GPAT3: variants seen among roughly 807,000 people sequenced by gnomAD.
GPAT3 encodes glycerol-3-phosphate acyltransferase 3.
GPAT3 carries 53 observed loss-of-function variants against 58.8 expected under a neutral mutation model. The observed-to-expected ratio is 0.90, with a 90% CI of 0.72 to 1.13. The LOEUF (loss-of-function observed/expected upper bound fraction) is 1.13. Among genes scored for constraint, GPAT3 ranks in the 50% most tolerant of loss-of-function variants. The pLI is 0.00. For synonymous variants in GPAT3, 197 were observed against 187.4 expected (o/e 1.05, Z -0.42); for missense variants, 511 against 527.6 (o/e 0.97, Z 0.31).
chr4:83,537,111 G>T (rs1158041491), intron 1 of GPAT3, among the ~76,000 whole-genome samples: 1 of 152,170 alleles, frequency 6.6e-6, no homozygotes, highest in Non-Finnish European at 1.5e-5. Flanking sequence ...ATTATGCAGT[G>T]CAGTTTCCGC....
At chr4:83,592,171 C>T (rs1282258539) in intron 6 of GPAT3, among the ~76,000 whole-genome samples, 4 of 152,176 alleles carry the variant, frequency 2.6e-5, no homozygotes, top group African/African-American at 9.6e-5. Context: ...TGAGTATAAC[C>T]CATTTGTAAC....
At chr4:83,599,400 A>G (rs1176219111) in intron 11 of GPAT3, among the ~76,000 whole-genome samples, 2 of 152,178 alleles carry the variant, frequency 1.3e-5, no homozygotes, top group Non-Finnish European at 2.9e-5. Flanking sequence ...TGAGAGTTGT[A>G]TATCCCACTT....
intron 2 of GPAT3, 127 bp downstream of exon 2, chr4:83,544,729 T>C: frequency 1.1e-6 from 1 of 922,898 alleles, no homozygotes; most frequent in Non-Finnish European, 1.7e-6. Context: ...CATAATTCTG[T>C]CAGTGTAAAA....
intron 6 of GPAT3, among the ~76,000 whole-genome samples, chr4:83,590,499 T>TA (rs1726555329): frequency 6.6e-6 from 1 of 152,212 alleles, no homozygotes; most frequent in Non-Finnish European, 1.5e-5. Flanking sequence ...TTTAAGATGG[T>TA]AAAAAATTAA....
At chr4:83,537,640 G>C (rs1724155472) in intron 1 of GPAT3, among the ~76,000 whole-genome samples, 1 of 149,048 alleles carries the variant, frequency 6.7e-6, no homozygotes, top group South Asian at 2.1e-4. Context: ...TTTAACATAA[G>C]AGACAGGGTC....
At chr4:83,553,765 G>T (rs1243466188) in intron 2 of GPAT3, among the ~76,000 whole-genome samples, 1 of 151,800 alleles carries the variant, frequency 6.6e-6, no homozygotes, top group Non-Finnish European at 1.5e-5. Context: ...CAGACATGGC[G>T]ACTCAGGAGT....
intron 2 of GPAT3, among the ~76,000 whole-genome samples, chr4:83,570,993 G>A (rs1214105223): frequency 7.2e-5 from 11 of 152,022 alleles, no homozygotes; most frequent in African/African-American, 1.4e-4. Context: ...AGTCCCAGTG[G>A]TACTCTCTCT....
At chr4:83,580,978 C>T (rs932927156) in intron 2 of GPAT3, among the ~76,000 whole-genome samples, 1 of 151,580 alleles carries the variant, frequency 6.6e-6, no homozygotes, top group Non-Finnish European at 1.5e-5. Flanking sequence ...TGCCTGTAGT[C>T]CCAGCTGCTT....
rs1210798139 is a variant in GPAT3, at chr4:83,557,386, A to G, written c.208+12784A>G. Among the ~76,000 whole-genome samples, 3 of 152,224 alleles carry G rather than the reference A, an allele frequency of 2.0e-5. No individual in the cohort carries two copies. The East Asian group carries it at 5.8e-4, about 29-fold the overall frequency. On this transcript the variant is annotated intron_variant, in intron 2 of 11. Transcript: ENST00000264409. The stretch of plus-strand genomic sequence containing the variant: ...TGTTCCCTTGCCATCATCCTGGCAG[A>G]CATCACTAGTTGATGAAGTTTGACT...
chr4:83,595,803 C>T (rs1726802994), intron 7 of GPAT3, among the ~76,000 whole-genome samples: 1 of 152,088 alleles, frequency 6.6e-6, no homozygotes, highest in Non-Finnish European at 1.5e-5. Flanking sequence ...CAGAAACCTT[C>T]GTTAGGAAAC....
intron 1 of GPAT3, among the ~76,000 whole-genome samples, chr4:83,537,457 G>A (rs1244227897): frequency 6.6e-6 from 1 of 152,122 alleles, no homozygotes; most frequent in African/African-American, 2.4e-5. Context: ...AAAAGGCTGG[G>A]TAGGGTAGGG....
Position 83,597,443 on chromosome 4 carries a change from C to T in GPAT3, c.924C>T (p.Asn308=). ...ILIFPEGTCI[N]NTSVMMFKKG... ...ACCCCCTTGCAGGAACTTGCATCAACAATACTTCAGTCATGATGTTTAAAA... is the reference window on the plus strand; with the variant it reads ...ACCCCCTTGCAGGAACTTGCATCAATAATACTTCAGTCATGATGTTTAAAA... The change falls in exon 9 of 12, where the codon AAC becomes AAT. Residue 308 remains asparagine, a synonymous_variant. Transcript: ENST00000264409. The T allele has an allele frequency of 1.9e-6, 3 of 1,556,344 alleles. No individual in the cohort carries two copies. The highest frequency in any genetic ancestry group is 1.7e-6 in the Non-Finnish European group (2 of 1,150,554).
At chr4:83,566,298 C>G (rs1725379461) in intron 2 of GPAT3, among the ~76,000 whole-genome samples, 1 of 152,090 alleles carries the variant, frequency 6.6e-6, no homozygotes, top group African/African-American at 2.4e-5. Flanking sequence ...CTGGGCCTCC[C>G]AAAGTACTGG....
chr4:83,536,914 C>A, intron 1 of GPAT3, 151 bp downstream of exon 1: 1 of 722,358 alleles, frequency 1.4e-6, no homozygotes, highest in Non-Finnish European at 2.2e-6. Context: ...CGCAGCAGTG[C>A]GAAAGTCAGC....
rs142793927 is a variant in GPAT3 at position 83,601,498 on chromosome 4, A to T, written c.1205+2775A>T. Among the ~76,000 whole-genome samples the T allele has an allele frequency of 1.6e-3, 237 of 152,372 alleles. 1 individual carries two copies. Among genetic ancestry groups the T allele is most frequent in the African/African-American group, 5.6e-3 (233 of 41,600 alleles). On this transcript the variant is annotated intron_variant, in intron 11 of 11. Transcript: ENST00000264409. Reference sequence around the variant, plus strand: ...CCTGGTGCAGTGGCTCATGCCTGTAATCCCAGCACTTTGGGAGGCTGAGGC... The same window carrying T: ...CCTGGTGCAGTGGCTCATGCCTGTATTCCCAGCACTTTGGGAGGCTGAGGC...
chr4:83,547,698 A>G (rs1724595653), intron 2 of GPAT3, among the ~76,000 whole-genome samples: 1 of 151,966 alleles, frequency 6.6e-6, no homozygotes, highest in African/African-American at 2.4e-5. Flanking sequence ...GCAAATTATT[A>G]TCTTTGTGGT....
chr4:83,567,711 T>C (rs1302305784), intron 2 of GPAT3, among the ~76,000 whole-genome samples: 1 of 152,104 alleles, frequency 6.6e-6, no homozygotes, highest in African/African-American at 2.4e-5. Context: ...GGCGGGTGGA[T>C]CATTGAGCTC....
At chr4:83,597,013 A>G (rs919670737) in intron 8 of GPAT3, 100 bp downstream of exon 8, 3 of 1,035,942 alleles carry the variant, frequency 2.9e-6, no homozygotes, top group Non-Finnish European at 4.4e-6. Context: ...CTTAGCCCAG[A>G]TCTCTGCCCT....
chr4:83,540,113 C>T (rs1314618784), intron 1 of GPAT3, among the ~76,000 whole-genome samples: 2 of 148,740 alleles, frequency 1.3e-5, no homozygotes, highest in African/African-American at 2.5e-5. Context: ...GCCAAGATCA[C>T]GCCACTGCGC....
Sources: gnomAD v4.1 joint callset for allele counts (sites outside exome capture counted in the v4.1 genomes callset) on GRCh38, gnomAD v4.1.1 for gene constraint, MANE v1.5 for transcripts, NCBI Gene and HGNC (gene_info 2026-07-23, HGNC 2026-07-21) for gene names.